DSE: variants seen among roughly 807,000 people sequenced by gnomAD.
DSE encodes the protein dermatan-sulfate epimerase.
Under a neutral mutation model 84.4 loss-of-function variants are expected in DSE, and 36 were observed. The ratio of observed to expected loss-of-function variants is 0.43; its 90% confidence interval spans 0.33 to 0.56. The LOEUF (loss-of-function observed/expected upper bound fraction) is 0.56. Ranked by LOEUF, DSE falls within the 20% of genes least tolerant of loss-of-function variation. The pLI is 0.06. For missense variants in DSE, 862 were observed against 1,169.6 expected (o/e 0.74, Z 3.84); for synonymous variants, 410 against 430.1 (o/e 0.95, Z 0.58).
intron 2 of DSE, among the ~76,000 whole-genome samples, chr6:116,406,473 G>A (rs575797905): frequency 1.3e-5 from 2 of 152,238 alleles, no homozygotes; most frequent in Non-Finnish European, 2.9e-5. Context: ...AGTGCCGCAT[G>A]TATGTCTGTA....
Position 116,439,732 on chromosome 6 carries a change from T to A in DSE, c.*2387T>A, listed in dbSNP as rs904133211. 1 of 152,184 alleles carries A rather than the reference T, an allele frequency of 6.6e-6. No homozygotes were observed. The highest frequency in any genetic ancestry group is 2.4e-5 in the African/African-American group (1 of 41,440). The allele number at this position is 152,184 out of a possible 1,614,324, so 9.4% of individuals were successfully genotyped here. ...CAAGTTCATTTGATAATATGTGAGC[T>A]GTTGTTCAGGGGATTGGCAGGACTC... On this transcript the variant is annotated 3_prime_UTR_variant, in exon 6 of 6. Coordinates refer to ENST00000644252, the MANE Select transcript of DSE (RefSeq NM_013352.4).
At chr6:116,315,976 C>G (rs900929128) in intron 2 of DSE, among the ~76,000 whole-genome samples, 1 of 152,062 alleles carries the variant, frequency 6.6e-6, no homozygotes, top group Admixed American at 6.6e-5. Flanking sequence ...GGTGACAGAA[C>G]AAGATTCTGT....
At position 116,435,656 on chromosome 6, in the gene DSE, CTG is replaced by C; in HGVS notation, c.1189_1190del (p.Trp397GlyfsTer15). ...CCCCTACACTGCATTATTTTGAAGA[CTG>C]GGGTGTCGTGACTTATGGAAGTGCA... ...GTPTLHYFEDWGVVTYGSALP... is the reference protein window; with the variant it reads ...GTPTLHYFEDXGVVTYGSALP... On this transcript the variant is annotated frameshift_variant, in exon 6 of 6. Coordinates refer to ENST00000644252, the MANE Select transcript of DSE (RefSeq NM_013352.4). LOFTEE classifies it high-confidence loss of function. 1.2e-6 allele frequency: 2 copies of C among 1,614,058 alleles called. No individual in the cohort carries two copies. Among genetic ancestry groups the C allele is most frequent in the Non-Finnish European group, 1.7e-6 (2 of 1,179,960 alleles).
Position 116,418,724 on chromosome 6 carries a change from T to A in DSE, c.417-7850T>A, listed in dbSNP as rs1475696439. ...GGCTCAGTTCTTATTGCAAACTTGGTGACATTCTTTGAAAGCGCCGTTCTT... is the reference window on the plus strand; with the variant it reads ...GGCTCAGTTCTTATTGCAAACTTGGAGACATTCTTTGAAAGCGCCGTTCTT... On this transcript the variant is annotated intron_variant, in intron 2 of 5. Coordinates refer to ENST00000644252, the MANE Select transcript of DSE (RefSeq NM_013352.4). 1.3e-5 allele frequency among the ~76,000 whole-genome samples: 2 copies of A among 152,172 alleles called. 1 individual carries two copies. Among genetic ancestry groups the A allele is most frequent in the Admixed American group, 1.3e-4 (2 of 15,282 alleles).
intron 2 of DSE, among the ~76,000 whole-genome samples, chr6:116,341,074 A>C: frequency 6.6e-6 from 1 of 152,232 alleles, no homozygotes; most frequent in South Asian, 2.1e-4. Context: ...ACTGTCTTCC[A>C]CAATGGTTGA....
chr6:116,273,834 GTTTTTTT>G (rs35845513), intron 2 of DSE, among the ~76,000 whole-genome samples: 1 of 136,944 alleles, frequency 7.3e-6, no homozygotes, highest in Non-Finnish European at 1.6e-5. Flanking sequence ...ATGTTTTTTT[GTTTTTTT>G]TTTTTTTTGA....
chr6:116,319,629 C>G (rs1283168913), intron 2 of DSE, among the ~76,000 whole-genome samples: 1 of 152,198 alleles, frequency 6.6e-6, no homozygotes, highest in Non-Finnish European at 1.5e-5. Flanking sequence ...AAATGAGAAT[C>G]TGGTCATATC....
intron 2 of DSE, among the ~76,000 whole-genome samples, chr6:116,314,274 T>G (rs1775850567): frequency 6.6e-6 from 1 of 152,248 alleles, no homozygotes; most frequent in South Asian, 2.1e-4. Flanking sequence ...ATGTTTAAAT[T>G]GATTGCTCCC....
At chr6:116,265,100 T>C (rs1582908573) in intron 2 of DSE, among the ~76,000 whole-genome samples, 3 of 152,016 alleles carry the variant, frequency 2.0e-5, no homozygotes, top group Admixed American at 6.5e-5. Flanking sequence ...TGCTAGCAGG[T>C]GCCATGCTAG....
intron 2 of DSE, among the ~76,000 whole-genome samples, chr6:116,359,095 T>C (rs1778744247): frequency 6.6e-6 from 1 of 152,126 alleles, no homozygotes; most frequent in African/African-American, 2.4e-5. Context: ...AAATAAAAAA[T>C]AGAAACATTG....
intron 2 of DSE, among the ~76,000 whole-genome samples, chr6:116,284,571 T>C (rs1773751997): frequency 1.3e-5 from 2 of 152,078 alleles, no homozygotes; most frequent in African/African-American, 2.4e-5. Flanking sequence ...GCAGGTTTGT[T>C]ACATATGTAT....
At chr6:116,410,733 CAAAAAAAAA>C (rs765969508) in intron 2 of DSE, among the ~76,000 whole-genome samples, 9 of 79,604 alleles carry the variant, frequency 1.1e-4, no homozygotes, top group Admixed American at 2.8e-4. Flanking sequence ...GACTCTGTCT[CAAAAAAAAA>C]AAAAAAAAAA....
chr6:116,430,635 G>A lies in DSE; in HGVS notation c.671-319G>A, dbSNP rs559784602. On this transcript the variant is annotated intron_variant, in intron 3 of 5. Transcript: ENST00000644252. Reference sequence around the variant, plus strand: ...CCGCTCACTGCAAGCTCCACCTCCCGGGTTCACACCATTCTCCTTCCTCAG... The same window carrying A: ...CCGCTCACTGCAAGCTCCACCTCCCAGGTTCACACCATTCTCCTTCCTCAG... Among the ~76,000 whole-genome samples, 6 of 151,954 alleles carry A rather than the reference G, an allele frequency of 3.9e-5. No individual in the cohort carries two copies. The South Asian group carries it at 1.0e-3, about 26-fold the overall frequency.
chr6:116,316,810 A>T (rs866725078), intron 2 of DSE, among the ~76,000 whole-genome samples: 4 of 123,544 alleles, frequency 3.2e-5, no homozygotes, highest in African/African-American at 1.1e-4. Flanking sequence ...TTCTTCTTCT[A>T]CTACTACTAC....
intron 1 of DSE, among the ~76,000 whole-genome samples, chr6:116,390,087 A>AT (rs796644896): frequency 1.4e-4 from 21 of 148,534 alleles, no homozygotes; most frequent in East Asian, 7.8e-4. Context: ...TTATTTTATT[A>AT]TTTTTTTTTT....
intron 2 of DSE, among the ~76,000 whole-genome samples, chr6:116,284,077 CTT>C (rs1431588225): frequency 6.6e-6 from 1 of 152,132 alleles, no homozygotes; most frequent in Non-Finnish European, 1.5e-5. Context: ...ATAGTTGAAT[CTT>C]TTCTAATACA....
At chr6:116,278,703 G>A in intron 2 of DSE, 1 of 1,614,200 alleles carries the variant, frequency 6.2e-7, no homozygotes, top group Non-Finnish European at 8.5e-7. Flanking sequence ...AAGTGAAGAA[G>A]CTGCAGATGA....
chr6:116,339,939 A>G (rs1777492055), intron 2 of DSE, among the ~76,000 whole-genome samples: 1 of 152,228 alleles, frequency 6.6e-6, no homozygotes, highest in Admixed American at 6.5e-5. Flanking sequence ...GACTATGAAA[A>G]TAGATGGAAT....
chr6:116,287,422 T>C (rs1294437087), intron 2 of DSE, among the ~76,000 whole-genome samples: 1 of 152,094 alleles, frequency 6.6e-6, no homozygotes. Flanking sequence ...ATAAAATAAT[T>C]ATGTATAAGA....
Sources: allele counts gnomAD v4.1 joint callset (sites outside exome capture counted in the v4.1 genomes callset), GRCh38; gene constraint gnomAD v4.1.1; transcripts MANE v1.5; gene names NCBI Gene and HGNC (gene_info 2026-07-23, HGNC 2026-07-21).